Variants in ZNF217 observed in about 807,000 individuals in gnomAD.
The protein encoded by ZNF217 is zinc finger protein 217.
In ZNF217, 12 loss-of-function variants were observed where a neutral mutation model predicts 73.3. That is an observed-to-expected ratio of 0.16 (90% CI 0.10 to 0.27). The LOEUF (loss-of-function observed/expected upper bound fraction) is 0.27. Ranked by LOEUF, ZNF217 falls within the 10% of genes least tolerant of loss-of-function variation. The pLI is 1.00. For synonymous variants in ZNF217, 588 were observed against 516.4 expected (o/e 1.14, Z -1.88); for missense variants, 1,195 against 1,327.8 (o/e 0.90, Z 1.55).
At chr20:53,592,440 T>G (rs1988910586) in intron 1 of ZNF217, among the ~76,000 whole-genome samples, 1 of 152,040 alleles carries the variant, frequency 6.6e-6, no homozygotes, top group South Asian at 2.1e-4. Context: ...GCGGCCCAGA[T>G]GCCAGGGTCC....
In ZNF217 at chr20:53,577,088, C is replaced by A; in HGVS notation, c.1676G>T (p.Arg559Ile). 1.2e-6 allele frequency: 2 copies of A among 1,614,212 alleles called. No individual in the cohort carries two copies. The highest frequency in any genetic ancestry group is 1.7e-6 in the Non-Finnish European group (2 of 1,180,038). Residue 559 changes from arginine (R) to isoleucine (I), a missense_variant, in exon 4 of 6, where the codon AGA becomes ATA. Around this residue, in one of 9 missense-constraint regions of ZNF217, gnomAD observed 649 missense variants for 642.8 expected, o/e 1.01. Coordinates refer to ENST00000371471, the MANE Select transcript of ZNF217 (RefSeq NM_006526.3). Reference sequence around the variant, plus strand: ...AACATCTTTGGCACCATCAAAAAATCTTTTCAAATTTTTGGTTTGCGCACT... The same window carrying A: ...AACATCTTTGGCACCATCAAAAAATATTTTCAAATTTTTGGTTTGCGCACT... ...ADSAQTKNLK[R>I]FFDGAKDVTG...
intron 5 of ZNF217, chr20:53,570,254 A>G (rs1437331683): frequency 1.3e-5 from 2 of 152,624 alleles, no homozygotes; most frequent in African/African-American, 4.8e-5. Context: ...CATGTTCTTC[A>G]TCTATTATCC....
intron 1 of ZNF217, among the ~76,000 whole-genome samples, chr20:53,586,907 A>G (rs1234989119): frequency 6.6e-6 from 1 of 152,236 alleles, no homozygotes; most frequent in East Asian, 1.9e-4. Context: ...ACTGGAGGAG[A>G]AAAGCAGGAT....
Position 53,567,933 on chromosome 20 carries a change from A to G in ZNF217, c.*1355T>C, listed in dbSNP as rs1389819143. On this transcript the variant is annotated 3_prime_UTR_variant, in exon 6 of 6. Transcript: ENST00000371471. Reference sequence around the variant, plus strand: ...TTTATTTTTGAAACAGTTTCTTAATAAAATATTTTGTGGTCACTAAGCCCA... The same window carrying G: ...TTTATTTTTGAAACAGTTTCTTAATGAAATATTTTGTGGTCACTAAGCCCA... 1 of 152,614 alleles carries G rather than the reference A, an allele frequency of 6.6e-6. No individual in the cohort carries two copies. The highest frequency in any genetic ancestry group is 1.5e-5 in the Non-Finnish European group (1 of 68,030). The allele number at this position is 152,614 out of a possible 1,614,324, so 9.5% of individuals were successfully genotyped here.
chr20:53,581,833 C>G lies in ZNF217; in HGVS notation c.994G>C (p.Glu332Gln), dbSNP rs747362844. 6.2e-7 allele frequency: 1 copy of G among 1,614,240 alleles called. No individual in the cohort carries two copies. Among genetic ancestry groups the G allele is most frequent in the South Asian group, 1.1e-5 (1 of 91,090 alleles). The change falls in exon 2 of 6, where the codon GAG (glutamate) becomes CAG (glutamine). Residue 332 changes from glutamate (E) to glutamine (Q), a missense_variant. This residue lies in a region of ZNF217 where 102 missense variants were observed against 91.9 expected (regional missense o/e 1.11). Coordinates refer to ENST00000371471, the MANE Select transcript of ZNF217 (RefSeq NM_006526.3). The surrounding 1 kb of genome is among the most constrained non-coding windows in gnomAD (Gnocchi z 4.9). ...CTGCCCTTATTTGTTTCTCCAAGCT[C>G]CTTCTCGGAACTCGAATCGTCGTTG... ...TDNDDSSSEK[E>Q]LGETNKGSCA...
At chr20:53,586,380 T>G (rs1349954856) in intron 1 of ZNF217, among the ~76,000 whole-genome samples, 1 of 152,170 alleles carries the variant, frequency 6.6e-6, no homozygotes, top group Admixed American at 6.5e-5. Context: ...ATTGCCATTC[T>G]GCAACTTCAA....
upstream of ZNF217, among the ~76,000 whole-genome samples, chr20:53,594,765 A>C (rs1989010598): frequency 3.3e-5 from 5 of 152,156 alleles, no homozygotes; most frequent in Admixed American, 1.3e-4. Context: ...GGTCACCCCG[A>C]ATTACAAACA....
In ZNF217 at chr20:53,576,839, C is replaced by G. The variant is rs754127006; in HGVS notation, c.1925G>C (p.Arg642Thr). Reference protein sequence around the residue: ...VETQANNLICRTKADVTPPPD... With the variant: ...VETQANNLICTTKADVTPPPD... ...AGGAGGAGTAACATCCGCCTTGGTT[C>G]TACAGATGAGGTTATTTGCCTGAGT... is the stretch of plus-strand genomic sequence containing the variant. The change falls in exon 4 of 6, where the codon AGA becomes ACA. Residue 642 changes from arginine to threonine, a missense_variant. By Grantham distance (71) the Arg-to-Thr change is moderately conservative. Coordinates refer to ENST00000371471, the MANE Select transcript of ZNF217 (RefSeq NM_006526.3). 1.2e-6 allele frequency: 2 copies of G among 1,614,160 alleles called. No individual in the cohort carries two copies. Among genetic ancestry groups the G allele is most frequent in the Non-Finnish European group, 1.7e-6 (2 of 1,180,030 alleles).
intron 1 of ZNF217, among the ~76,000 whole-genome samples, chr20:53,592,977 CT>C (rs891057885): frequency 6.6e-6 from 1 of 151,898 alleles, no homozygotes; most frequent in Non-Finnish European, 1.5e-5. Flanking sequence ...TAAAGATATT[CT>C]TTAAGTGTTT....
chr20:53,586,248 T>C (rs896071486), intron 1 of ZNF217, among the ~76,000 whole-genome samples: 1 of 152,188 alleles, frequency 6.6e-6, no homozygotes, highest in African/African-American at 2.4e-5. Flanking sequence ...GTCACGGAAT[T>C]AGCACACGTG....
chr20:53,581,376 G>A lies in ZNF217; in HGVS notation c.1366+85C>T. 6.7e-7 allele frequency: 1 copy of A among 1,502,682 alleles called. No individual in the cohort carries two copies. The highest frequency in any genetic ancestry group is 8.9e-7 in the Non-Finnish European group (1 of 1,129,196). The allele number at this position is 1,502,682 out of a possible 1,614,324, so 93.1% of individuals were successfully genotyped here. ...CCAAACCCCATTCCTGGCCAGCGTTGTCTGGAGATGGGAATAGAGAGGGGG... is the reference window on the plus strand; with the variant it reads ...CCAAACCCCATTCCTGGCCAGCGTTATCTGGAGATGGGAATAGAGAGGGGG... On this transcript the variant is annotated intron_variant, in intron 2 of 5. Coordinates refer to ENST00000371471, the MANE Select transcript of ZNF217 (RefSeq NM_006526.3). The surrounding 1 kb of genome is among the most constrained non-coding windows in gnomAD (Gnocchi z 4.9).
chr20:53,570,004 A>G (rs1051257156), intron 5 of ZNF217, among the ~76,000 whole-genome samples: 2 of 152,130 alleles, frequency 1.3e-5, no homozygotes, highest in African/African-American at 4.8e-5. Flanking sequence ...TGGAAAGCAA[A>G]GACAGAGCAG....
Position 53,577,164 on chromosome 20 carries a change from T to G in ZNF217, c.1600A>C (p.Lys534Gln). 1 of 1,614,006 alleles carries G rather than the reference T, an allele frequency of 6.2e-7. No individual in the cohort carries two copies. The highest frequency in any genetic ancestry group is 8.5e-7 in the Non-Finnish European group (1 of 1,180,046). ...GTGTCCTGATTTTTACCATCGTTCT[T>G]GACTTCAGCAGCAACATCGGTTTGT... ...EKQTDVAAEV[K>Q]NDGKNQDTED... The change falls in exon 4 of 6, where the codon AAG (lysine) becomes CAG (glutamine). Residue 534 changes from lysine (K) to glutamine (Q), a missense_variant. Physicochemically the swap from Lys to Gln is moderately conservative, Grantham distance 53 (BLOSUM62 1). Transcript: ENST00000371471.
chr20:53,581,442 C>A lies in ZNF217; in HGVS notation c.1366+19G>T, dbSNP rs368433151. On this transcript the variant is annotated intron_variant, in intron 2 of 5. Transcript: ENST00000371471. The surrounding 1 kb of genome is among the most constrained non-coding windows in gnomAD (Gnocchi z 4.9). The stretch of plus-strand genomic sequence containing the variant: ...CAGACACAGGCGGAACAGCACGGGA[C>A]GGAGACAGGGCAGCTTACCCAGATG... 7 of 1,588,566 alleles carry A rather than the reference C, an allele frequency of 4.4e-6. No homozygotes were observed. The highest frequency in any genetic ancestry group is 6.0e-6 in the Non-Finnish European group (7 of 1,165,164).
rs765422873 is a variant in ZNF217 at position 53,581,767 on chromosome 20, A to C, written c.1060T>G (p.Ser354Ala). 3.7e-6 allele frequency: 6 copies of C among 1,614,034 alleles called. No individual in the cohort carries two copies. The highest frequency in any genetic ancestry group is 1.1e-5 in the South Asian group (1 of 91,094). Residue 354 changes from serine to alanine, a missense_variant, in exon 2 of 6, where the codon TCC becomes GCC. Ser to Ala is a moderately conservative substitution (Grantham distance 99). Transcript: ENST00000371471. The surrounding 1 kb of genome is among the most constrained non-coding windows in gnomAD (Gnocchi z 4.9). Reference sequence around the variant, plus strand: ...TCCACGGAGGGCGCTTCGCCGTGGGAGTGTTTGCACTTCTCTTTCTCTTGC... The same window carrying C: ...TCCACGGAGGGCGCTTCGCCGTGGGCGTGTTTGCACTTCTCTTTCTCTTGC... ...LSQEKEKCKH[S>A]HGEAPSVDAD...
At chr20:53,574,358 G>GT (rs1443216527) in intron 4 of ZNF217, 1 of 152,224 alleles carries the variant, frequency 6.6e-6, no homozygotes, top group Non-Finnish European at 1.5e-5. Flanking sequence ...CTCTTGCCAG[G>GT]TCAAGGGTCC....
In ZNF217 at chr20:53,582,910, T is replaced by G; in HGVS notation, c.-84A>C. The G allele has an allele frequency of 7.0e-7, 1 of 1,434,190 alleles. No individual in the cohort carries two copies. Among genetic ancestry groups the G allele is most frequent in the Non-Finnish European group, 9.4e-7 (1 of 1,060,294 alleles). The allele number at this position is 1,434,190 out of a possible 1,614,324, so 88.8% of individuals were successfully genotyped here. ...TTGTCACTCACCCCTCTAACAGCCC[T>G]GGGTTCCAAAAACCAGAGCAAATAT... On this transcript the variant is annotated 5_prime_UTR_variant, in exon 2 of 6. Transcript: ENST00000371471. The surrounding 1 kb of genome is among the most constrained non-coding windows in gnomAD (Gnocchi z 4.8).
intron 1 of ZNF217, among the ~76,000 whole-genome samples, chr20:53,586,096 C>T (rs1988683074): frequency 6.6e-6 from 1 of 152,188 alleles, no homozygotes; most frequent in South Asian, 2.1e-4. Context: ...TAAAACCATC[C>T]TGTTTGTTTG....
rs201787589 is a variant in ZNF217 at position 53,575,836 on chromosome 20, G to A, written c.2928C>T (p.Ser976=). The A allele has an allele frequency of 3.9e-4, 635 of 1,614,190 alleles. No homozygotes were observed. The highest frequency in any genetic ancestry group is 3.5e-3 in the East Asian group (157 of 44,888). Residue 976 remains serine, a synonymous_variant, in exon 4 of 6, where the codon AGC becomes AGT. Coordinates refer to ENST00000371471, the MANE Select transcript of ZNF217 (RefSeq NM_006526.3). Reference sequence around the variant, plus strand: ...TCAGCACATTTGGAGAATCGACCTCGCTGGAGCTCAGGAACCTTGGTTTGG... The same window carrying A: ...TCAGCACATTTGGAGAATCGACCTCACTGGAGCTCAGGAACCTTGGTTTGG... ...LPPKPRFLSS[S]EVDSPNVLTV... is the part of the protein sequence containing the mutation.
Sources: allele counts gnomAD v4.1 joint callset (sites outside exome capture counted in the v4.1 genomes callset), GRCh38; gene constraint gnomAD v4.1.1; regional missense constraint gnomAD v4.1.1; non-coding constraint Gnocchi (gnomAD v3.1); transcripts MANE v1.5; gene names NCBI Gene and HGNC (gene_info 2026-07-23, HGNC 2026-07-21).